The following NAA15 variants were observed in gnomAD, a reference collection of about 807,000 sequenced individuals.
NAA15 encodes N-alpha-acetyltransferase 15, NatA auxiliary subunit.
In NAA15, 34 loss-of-function variants were observed where a neutral mutation model predicts 114.0. The ratio of observed to expected loss-of-function variants is 0.30; its 90% confidence interval spans 0.23 to 0.40. NAA15 has a LOEUF of 0.40. Ranked by LOEUF, NAA15 falls within the 10% of genes least tolerant of loss-of-function variation. NAA15 has a pLI of 1.00. For synonymous variants in NAA15, 340 were observed against 338.0 expected (o/e 1.01, Z -0.06); for missense variants, 658 against 1,004.5 (o/e 0.66, Z 4.66).
intron 14 of NAA15, among the ~76,000 whole-genome samples, chr4:139,365,372 T>C: frequency 6.6e-6 from 1 of 152,120 alleles, no homozygotes; most frequent in East Asian, 1.9e-4. Flanking sequence ...GAGTTTAGTA[T>C]AGCATAGAAG....
At chr4:139,367,816 C>T (rs1366747956) in intron 14 of NAA15, among the ~76,000 whole-genome samples, 1 of 152,166 alleles carries the variant, frequency 6.6e-6, no homozygotes, top group Non-Finnish European at 1.5e-5. Flanking sequence ...TGTCCTCTTA[C>T]ATTTTTCCTG....
At chr4:139,344,419 G>A in intron 6 of NAA15, 80 bp downstream of exon 6, 5 of 1,162,232 alleles carry the variant, frequency 4.3e-6, no homozygotes, top group South Asian at 3.2e-5. Flanking sequence ...GCTGCTGACA[G>A]TTTCATATAA....
chr4:139,325,376 T>TA (rs1424526983), intron 1 of NAA15, among the ~76,000 whole-genome samples: 1 of 152,190 alleles, frequency 6.6e-6, no homozygotes, highest in Non-Finnish European at 1.5e-5. Context: ...GAGCCTAAAT[T>TA]ATAGTCTTAA....
chr4:139,385,288 A>ATATATATATATATAATATCTAT (rs1560984098), intron 18 of NAA15, among the ~76,000 whole-genome samples: 1 of 100,466 alleles, frequency 1.0e-5, no homozygotes. Flanking sequence ...TATATAATAT[A>ATATATATATATATAATATCTAT]TATATATATA....
At chr4:139,315,345 C>A (rs1275512004) in intron 1 of NAA15, among the ~76,000 whole-genome samples, 1 of 151,782 alleles carries the variant, frequency 6.6e-6, no homozygotes, top group Non-Finnish European at 1.5e-5. Flanking sequence ...TATGGCAAAA[C>A]CCTATGTGTA....
At chr4:139,311,770 T>C (rs1746233126) in intron 1 of NAA15, among the ~76,000 whole-genome samples, 1 of 151,802 alleles carries the variant, frequency 6.6e-6, no homozygotes, top group South Asian at 2.1e-4. Context: ...ATATATGATA[T>C]TAAGAAATAG....
In NAA15 at chr4:139,340,881, T is replaced by C. The variant is rs779194590; in HGVS notation, c.245-31T>C. 5.4e-6 allele frequency: 8 copies of C among 1,477,618 alleles called. No homozygotes were observed. In the East Asian group the frequency reaches 1.7e-4, roughly 32 times the overall value. 91.5% of individuals were successfully genotyped at this position (1,477,618 alleles called of 1,614,324 possible). A position where few individuals can be genotyped will look rare whatever the true frequency, so the allele number is the denominator to read the frequency against. ...TCGTTTGGAATAGTAATTTTTGACT[T>C]GTAGGTTGTACCCTTAACTAAATTC... On this transcript the variant is annotated intron_variant, in intron 3 of 19. Coordinates refer to ENST00000296543, the MANE Select transcript of NAA15 (RefSeq NM_057175.5).
intron 3 of NAA15, among the ~76,000 whole-genome samples, 166 bp downstream of exon 3, chr4:139,337,118 C>G (rs1458746016): frequency 6.6e-6 from 1 of 152,102 alleles, no homozygotes; most frequent in Non-Finnish European, 1.5e-5. Context: ...TTTTATATAC[C>G]TAACCATGTT....
At chr4:139,329,917 A>G (rs1746944821) in intron 1 of NAA15, among the ~76,000 whole-genome samples, 1 of 152,182 alleles carries the variant, frequency 6.6e-6, no homozygotes, top group Non-Finnish European at 1.5e-5. Context: ...TGAGCTAGGA[A>G]GTGCCTCCAG....
At chr4:139,302,430 T>C (rs1745825697) in intron 1 of NAA15, 1 of 152,324 alleles carries the variant, frequency 6.6e-6, no homozygotes, top group African/African-American at 2.4e-5. Context: ...TTGTAGTCAG[T>C]TGCATACTGG....
intron 1 of NAA15, among the ~76,000 whole-genome samples, chr4:139,329,458 T>G (rs1301251792): frequency 6.6e-6 from 1 of 152,238 alleles, no homozygotes; most frequent in Non-Finnish European, 1.5e-5. Context: ...GGTGTTGGAC[T>G]TTGTTGTGGT....
At chr4:139,353,739 A>G (rs1028314818) in intron 9 of NAA15, among the ~76,000 whole-genome samples, 2 of 152,210 alleles carry the variant, frequency 1.3e-5, no homozygotes, top group Non-Finnish European at 2.9e-5. Flanking sequence ...GAATCAAGAT[A>G]TAAATCATCC....
At chr4:139,336,791 TA>T in intron 2 of NAA15, 56 bp from the exon 3 acceptor site, 1 of 1,015,490 alleles carries the variant, frequency 9.8e-7, no homozygotes, top group Non-Finnish European at 1.4e-6. Context: ...TGTTGTTATT[TA>T]TTTTTAATAT....
At chr4:139,377,768 AATT>A (rs1486764510) in intron 16 of NAA15, among the ~76,000 whole-genome samples, 5 of 152,342 alleles carry the variant, frequency 3.3e-5, no homozygotes, top group South Asian at 2.1e-4. Flanking sequence ...TACTTCCCAC[AATT>A]ATTATAACGT....
chr4:139,359,785 G>T lies in NAA15; in HGVS notation c.1300G>T (p.Ala434Ser). 1 of 1,607,934 alleles carries T rather than the reference G, an allele frequency of 6.2e-7. No homozygotes were observed. The highest frequency in any genetic ancestry group is 8.5e-7 in the Non-Finnish European group (1 of 1,178,810). ...IKEAARWMDE[A>S]QALDTADRFI... Reference sequence around the variant, plus strand: ...AGAAGCTGCAAGGTGGATGGATGAGGCCCAGGCCTTGGACACAGCAGACAG... The same window carrying T: ...AGAAGCTGCAAGGTGGATGGATGAGTCCCAGGCCTTGGACACAGCAGACAG... Residue 434 changes from alanine (A) to serine (S), a missense_variant, in exon 12 of 20, where the codon GCC (alanine) becomes TCC (serine). By Grantham distance (99) the Ala-to-Ser change is moderately conservative. Transcript: ENST00000296543.
Position 139,310,765 on chromosome 4 carries a change from C to T in NAA15, c.54+8934C>T, listed in dbSNP as rs562177104. On this transcript the variant is annotated intron_variant, in intron 1 of 19. Coordinates refer to ENST00000296543, the MANE Select transcript of NAA15 (RefSeq NM_057175.5). Reference sequence around the variant, plus strand: ...TCCTGAGTAGCTGGGATTCCAGGTGCCTCCTACCACACCTGGCTAATTTTT... The same window carrying T: ...TCCTGAGTAGCTGGGATTCCAGGTGTCTCCTACCACACCTGGCTAATTTTT... Among the ~76,000 whole-genome samples, 11 of 151,768 alleles carry T rather than the reference C, an allele frequency of 7.2e-5. No individual in the cohort carries two copies. In the East Asian group the frequency reaches 2.1e-3, roughly 30 times the overall value.
intron 1 of NAA15, among the ~76,000 whole-genome samples, chr4:139,308,197 C>G (rs763152389): frequency 1.8e-4 from 27 of 152,170 alleles, no homozygotes; most frequent in East Asian, 5.8e-4. Context: ...TCCTGACCTC[C>G]TGATCTGCCC....
chr4:139,366,543 A>G (rs578123714), intron 14 of NAA15, among the ~76,000 whole-genome samples: 15 of 152,088 alleles, frequency 9.9e-5, no homozygotes, highest in Non-Finnish European at 1.8e-4. Context: ...ATTTGTAGAC[A>G]TAAGTTTAAC....
intron 14 of NAA15, among the ~76,000 whole-genome samples, chr4:139,368,512 G>C (rs1189240746): frequency 2.0e-5 from 3 of 152,340 alleles, no homozygotes; most frequent in East Asian, 3.9e-4. Context: ...ATGGCCAGAG[G>C]CATCAGTTCT....
Sources: gnomAD v4.1 joint callset for allele counts (sites outside exome capture counted in the v4.1 genomes callset) on GRCh38, gnomAD v4.1.1 for gene constraint, MANE v1.5 for transcripts, NCBI Gene and HGNC (gene_info 2026-07-23, HGNC 2026-07-21) for gene names.